The following CDKAL1 variants were observed in gnomAD, a reference collection of about 807,000 sequenced individuals.
CDKAL1 encodes CDKAL1 threonylcarbamoyladenosine tRNA methylthiotransferase, also known as threonylcarbamoyladenosine tRNA methylthiotransferase.
Under a neutral mutation model 68.2 loss-of-function variants are expected in CDKAL1, and 32 were observed. That is an observed-to-expected ratio of 0.47 (90% CI 0.35 to 0.63). CDKAL1 has a LOEUF of 0.63. CDKAL1 is among the 30% of genes least tolerant of loss of function. The probability of loss-of-function intolerance (pLI) is 0.00; values close to 1 mark genes in which losing one functional copy is unlikely to be tolerated. For missense variants in CDKAL1, 606 were observed against 696.7 expected (o/e 0.87, Z 1.47); for synonymous variants, 234 against 244.3 (o/e 0.96, Z 0.39).
At chr6:20,589,693 T>C (rs1029794700) in intron 4 of CDKAL1, among the ~76,000 whole-genome samples, 2 of 151,936 alleles carry the variant, frequency 1.3e-5, no homozygotes, top group African/African-American at 2.4e-5. Context: ...TTTGTAATTA[T>C]TTTATTAGTT....
At chr6:20,782,802 A>G (rs996996012) in intron 8 of CDKAL1, among the ~76,000 whole-genome samples, 2 of 152,138 alleles carry the variant, frequency 1.3e-5, no homozygotes, top group African/African-American at 4.8e-5. Flanking sequence ...GAATGAATGA[A>G]TAAGTTTTAA....
chr6:21,197,715 G>A (rs926388634), intron 13 of CDKAL1, among the ~76,000 whole-genome samples: 2 of 152,172 alleles, frequency 1.3e-5, no homozygotes, highest in African/African-American at 4.8e-5. Flanking sequence ...ATTTTTGTAT[G>A]TCATAGAAGC....
At chr6:21,210,540 CAG>C (rs773080879) in intron 15 of CDKAL1, among the ~76,000 whole-genome samples, 15 of 152,244 alleles carry the variant, frequency 9.9e-5, no homozygotes, top group Non-Finnish European at 2.1e-4. Flanking sequence ...GCTTCTAAAA[CAG>C]TGAGAAATAA....
chr6:20,684,736 A>G (rs1039828579), intron 5 of CDKAL1, among the ~76,000 whole-genome samples: 1 of 152,148 alleles, frequency 6.6e-6, no homozygotes, highest in African/African-American at 2.4e-5. Context: ...GTGGTATCTC[A>G]TTGCTTTAAT....
intron 13 of CDKAL1, among the ~76,000 whole-genome samples, chr6:21,123,014 A>G (rs373986641): frequency 6.6e-6 from 1 of 152,134 alleles, no homozygotes; most frequent in South Asian, 2.1e-4. Context: ...TTGTATGTGT[A>G]TATATATGTG....
intron 15 of CDKAL1, among the ~76,000 whole-genome samples, chr6:21,201,561 G>A (rs546475108): frequency 1.3e-4 from 20 of 152,292 alleles, no homozygotes; most frequent in African/African-American, 4.8e-4. Flanking sequence ...ACCAAAAGAT[G>A]ATCTGATCCA....
chr6:20,538,645 T>A lies in CDKAL1; in HGVS notation c.-6+3251T>A, dbSNP rs1270961944. Among the ~76,000 whole-genome samples the A allele has an allele frequency of 2.0e-5, 3 of 152,208 alleles. No homozygotes were observed. The South Asian group carries it at 6.2e-4, about 32-fold the overall frequency. On this transcript the variant is annotated intron_variant, in intron 2 of 15. Transcript: ENST00000274695. ...ATTAAAAAATATGGCTTTTAATTAA[T>A]GTTATTTAATTATTCATGATCTGTC... is the stretch of plus-strand genomic sequence containing the variant.
chr6:20,682,542 A>G (rs1453951912), intron 5 of CDKAL1, among the ~76,000 whole-genome samples: 1 of 145,326 alleles, frequency 6.9e-6, no homozygotes, highest in Non-Finnish European at 1.5e-5. Flanking sequence ...AGTGCTACAC[A>G]CTTTTAAACA....
At chr6:20,733,662 A>C (rs970977012) in intron 5 of CDKAL1, among the ~76,000 whole-genome samples, 4 of 152,178 alleles carry the variant, frequency 2.6e-5, no homozygotes, top group African/African-American at 7.2e-5. Context: ...GAATGCAATA[A>C]GGTTTTTGAA....
At chr6:20,735,858 T>C (rs1047728507) in intron 5 of CDKAL1, among the ~76,000 whole-genome samples, 3 of 152,190 alleles carry the variant, frequency 2.0e-5, no homozygotes, top group East Asian at 1.9e-4. Flanking sequence ...TGTTTTCACC[T>C]ATTATTTTTG....
At chr6:20,924,869 T>C (rs1052664772) in intron 9 of CDKAL1, among the ~76,000 whole-genome samples, 4 of 152,216 alleles carry the variant, frequency 2.6e-5, no homozygotes, top group African/African-American at 7.2e-5. Context: ...CAGCCTTCTA[T>C]TGAGAGAAGA....
chr6:20,901,727 C>A (rs1461980397), intron 9 of CDKAL1, among the ~76,000 whole-genome samples: 1 of 145,140 alleles, frequency 6.9e-6, no homozygotes, highest in Non-Finnish European at 1.5e-5. Flanking sequence ...GTTTTTCCAG[C>A]AACTCAGAAA....
At chr6:20,602,622 A>T (rs1188778865) in intron 4 of CDKAL1, among the ~76,000 whole-genome samples, 13 of 152,260 alleles carry the variant, frequency 8.5e-5, no homozygotes, top group Admixed American at 2.0e-4. Flanking sequence ...TGAACAGGTT[A>T]CCTGATTTAC....
At chr6:21,164,830 T>C (rs1345260980) in intron 13 of CDKAL1, among the ~76,000 whole-genome samples, 1 of 152,148 alleles carries the variant, frequency 6.6e-6, no homozygotes, top group African/African-American at 2.4e-5. Context: ...AGCTTGCCTC[T>C]TCATCAACAG....
At chr6:20,653,873 A>T (rs1375523718) in intron 5 of CDKAL1, among the ~76,000 whole-genome samples, 3 of 152,104 alleles carry the variant, frequency 2.0e-5, no homozygotes, top group African/African-American at 4.8e-5. Flanking sequence ...GGCCTCCCAA[A>T]GTGCTGGGAT....
At chr6:20,985,252 T>G (rs1192917134) in intron 10 of CDKAL1, among the ~76,000 whole-genome samples, 1 of 152,150 alleles carries the variant, frequency 6.6e-6, no homozygotes, top group Non-Finnish European at 1.5e-5. Context: ...AAGCCTCTCT[T>G]CTAGCTATTT....
intron 10 of CDKAL1, among the ~76,000 whole-genome samples, chr6:20,969,361 T>A (rs563519093): frequency 6.6e-6 from 1 of 152,300 alleles, no homozygotes; most frequent in African/African-American, 2.4e-5. Flanking sequence ...ATATTTACTA[T>A]TCATTAAGTG....
intron 6 of CDKAL1, among the ~76,000 whole-genome samples, chr6:20,757,993 C>G (rs1184634930): frequency 6.6e-6 from 1 of 152,062 alleles, no homozygotes; most frequent in East Asian, 1.9e-4. Flanking sequence ...AGGAAGCATT[C>G]CTGCATCACT....
chr6:20,969,607 A>G (rs1765492443), intron 10 of CDKAL1, among the ~76,000 whole-genome samples: 1 of 152,210 alleles, frequency 6.6e-6, no homozygotes, highest in African/African-American at 2.4e-5. Context: ...CACTTAGCTT[A>G]ATAGTCAGCT....
Sources: gnomAD v4.1 joint callset for allele counts (sites outside exome capture counted in the v4.1 genomes callset) on GRCh38, gnomAD v4.1.1 for gene constraint, MANE v1.5 for transcripts, NCBI Gene and HGNC (gene_info 2026-07-23, HGNC 2026-07-21) for gene names.